SATL1: variants seen among roughly 807,000 people sequenced by gnomAD.
SATL1 encodes spermidine/spermine N1-acetyl transferase like 1, also known as spermidine/spermine N(1)-acetyltransferase-like protein 1.
A neutral mutation model predicts 51.8 loss-of-function variants in SATL1; 47 were observed. That is an observed-to-expected ratio of 0.91 (90% CI 0.72 to 1.16). SATL1 has a LOEUF of 1.16. Among genes scored for constraint, SATL1 ranks in the 50% most tolerant of loss-of-function variants. The pLI, the probability that SATL1 is intolerant of heterozygous loss-of-function variation, is 0.00. For missense variants in SATL1, 520 were observed against 526.4 expected, an observed-to-expected ratio of 0.99 and a Z score of 0.12; for synonymous variants, 176 against 182.4, an observed-to-expected ratio of 0.97 and a Z score of 0.28.
intron 2 of SATL1, among the ~76,000 whole-genome samples, chrX:85,203,664 G>A (rs1225597247): frequency 8.9e-6 from 1 of 112,480 alleles, no homozygotes; most frequent in East Asian, 2.8e-4. Context: ...TGGTAGAGCA[G>A]CTGTGCTGTG....
intron 2 of SATL1, among the ~76,000 whole-genome samples, chrX:85,208,062 C>T (rs1927825184): frequency 9.1e-6 from 1 of 109,876 alleles, no homozygotes; most frequent in African/African-American, 3.3e-5. Context: ...AGCTTCCAAC[C>T]CCCTAACAGG....
chrX:85,125,089 A>G (rs1449586155), intron 2 of SATL1, among the ~76,000 whole-genome samples: 1 of 110,591 alleles, frequency 9.0e-6, no homozygotes, highest in Non-Finnish European at 1.9e-5. Context: ...GTTCTTCCTT[A>G]TCTTAGGATA....
At chrX:85,181,389 C>T (rs1375266180) in intron 2 of SATL1, among the ~76,000 whole-genome samples, 6 of 109,565 alleles carry the variant, frequency 5.5e-5, no homozygotes, top group East Asian at 5.7e-4. Context: ...CTCCAAGAGA[C>T]GTGAGGCAGT....
chrX:85,123,909 C>G (rs779611926), intron 2 of SATL1, among the ~76,000 whole-genome samples: 4 of 111,608 alleles, frequency 3.6e-5, no homozygotes, highest in Non-Finnish European at 7.5e-5. Flanking sequence ...ACTGTTAACT[C>G]TGGTTACCAC....
intron 2 of SATL1, among the ~76,000 whole-genome samples, chrX:85,194,411 C>T (rs188020284): frequency 4.5e-5 from 5 of 110,952 alleles, no homozygotes; most frequent in Admixed American, 1.9e-4. Context: ...AAGATGTGAT[C>T]GTGGCCTAGT....
intron 2 of SATL1, chrX:85,219,684 C>G (rs1928130377): frequency 9.0e-6 from 1 of 111,445 alleles, no homozygotes; most frequent in African/African-American, 3.3e-5. Context: ...ATAAAATAAA[C>G]TAAGAATTGC....
chrX:85,166,424 A>G (rs1168517657), intron 2 of SATL1, among the ~76,000 whole-genome samples: 1 of 111,710 alleles, frequency 9.0e-6, no homozygotes, highest in Non-Finnish European at 1.9e-5. Context: ...CAAACAAATC[A>G]TCAAGAAAAA....
chrX:85,232,617 C>T (rs759790844), intron 1 of SATL1, among the ~76,000 whole-genome samples: 1 of 111,892 alleles, frequency 8.9e-6, no homozygotes, highest in Admixed American at 9.4e-5. Context: ...GGCTGAATAG[C>T]CCTTGGGCCT....
chrX:85,197,254 T>A (rs1017238828), intron 2 of SATL1, among the ~76,000 whole-genome samples: 5 of 111,510 alleles, frequency 4.5e-5, no homozygotes, highest in Non-Finnish European at 9.4e-5. Flanking sequence ...ACATAGTAGG[T>A]GTATATATGT....
intron 2 of SATL1, among the ~76,000 whole-genome samples, chrX:85,160,024 C>T (rs953980367): frequency 1.2e-4 from 9 of 76,519 alleles, no homozygotes. Context: ...AGTCGGGGCC[C>T]AATATCAGTC....
rs1344304523 is a variant in SATL1, at chrX:85,108,168, G to C, written c.801C>G (p.Ser267Arg). The C allele has an allele frequency of 8.3e-7, 1 of 1,210,315 alleles. No homozygotes were observed. The highest frequency in any genetic ancestry group is 1.7e-5 in the African/African-American group (1 of 57,238). ...NQTGIIQPSP[S>R]LLGMNQMDMN... ...TGTCCATTTGGTTCATACCAAGTAA[G>C]CTTGGGCTTGGCTGGATTATACCTG... The change falls in exon 3 of 8, where the codon AGC becomes AGG. Residue 267 changes from serine (S) to arginine (R), a missense_variant. This residue lies in a region of SATL1 where 488 missense variants were observed against 474.3 expected (regional missense o/e 1.03). Coordinates refer to ENST00000644105, the MANE Select transcript of SATL1 (RefSeq NM_001367857.2).
chrX:85,228,406 T>C (rs1035238395), intron 1 of SATL1, among the ~76,000 whole-genome samples: 2 of 111,541 alleles, frequency 1.8e-5, no homozygotes, highest in African/African-American at 6.5e-5. Context: ...CTATAATTTC[T>C]CACATTTAAA....
At chrX:85,099,118 G>A (rs1173530155) in intron 4 of SATL1, among the ~76,000 whole-genome samples, 1 of 111,214 alleles carries the variant, frequency 9.0e-6, no homozygotes, top group Non-Finnish European at 1.9e-5. Context: ...TTAAAAGGGG[G>A]TATAGAAATA....
At chrX:85,183,343 A>G (rs1333149032) in intron 2 of SATL1, among the ~76,000 whole-genome samples, 1 of 107,528 alleles carries the variant, frequency 9.3e-6, no homozygotes, top group Admixed American at 1.0e-4. Flanking sequence ...TCCTTTCCCC[A>G]ATGTTCTCGG....
intron 3 of SATL1, among the ~76,000 whole-genome samples, chrX:85,104,353 C>G (rs1024899764): frequency 1.8e-5 from 2 of 111,533 alleles, no homozygotes; most frequent in Non-Finnish European, 3.8e-5. Flanking sequence ...TGGCTTTTTA[C>G]TATATCATTT....
At chrX:85,225,141 G>C (rs971257732) in intron 1 of SATL1, among the ~76,000 whole-genome samples, 2 of 111,732 alleles carry the variant, frequency 1.8e-5, no homozygotes, top group Non-Finnish European at 3.8e-5. Flanking sequence ...AAGTAGGTGT[G>C]GTTACAAAAG....
At chrX:85,125,736 AT>A (rs925827842) in intron 2 of SATL1, among the ~76,000 whole-genome samples, 4 of 107,271 alleles carry the variant, frequency 3.7e-5, no homozygotes, top group African/African-American at 1.4e-4. Flanking sequence ...GATGAAAAAA[AT>A]TTTTAAATAT....
At chrX:85,166,952 T>C (rs1926853159) in intron 2 of SATL1, among the ~76,000 whole-genome samples, 2 of 102,733 alleles carry the variant, frequency 1.9e-5, no homozygotes, top group African/African-American at 7.2e-5. Context: ...TGTGTGTGTG[T>C]GTGTGTGTGT....
chrX:85,111,446 A>T (rs1925256064), intron 2 of SATL1, among the ~76,000 whole-genome samples: 1 of 112,374 alleles, frequency 8.9e-6, no homozygotes, highest in African/African-American at 3.2e-5. Context: ...GGCTCCATCA[A>T]ACATTCAAAA....
Sources: allele counts gnomAD v4.1 joint callset (sites outside exome capture counted in the v4.1 genomes callset), GRCh38; gene constraint gnomAD v4.1.1; regional missense constraint gnomAD v4.1.1; transcripts MANE v1.5; gene names NCBI Gene and HGNC (gene_info 2026-07-23, HGNC 2026-07-21).